The following LRRFIP2 variants were observed in gnomAD, a reference collection of about 807,000 sequenced individuals.
The protein encoded by LRRFIP2 is leucine-rich repeat flightless-interacting protein 2.
In LRRFIP2, 109 loss-of-function variants were observed where a neutral mutation model predicts 125.9. The ratio of observed to expected loss-of-function variants is 0.87; its 90% confidence interval spans 0.74 to 1.01. The LOEUF (loss-of-function observed/expected upper bound fraction) is 1.01, where lower values mean the gene tolerates loss of function less well. Ranked by LOEUF, LRRFIP2 falls within the 50% of genes least tolerant of loss-of-function variation. LRRFIP2 has a pLI of 0.00. For missense variants in LRRFIP2, 850 were observed against 862.3 expected (o/e 0.99, Z 0.18); for synonymous variants, 291 against 293.1 (o/e 0.99, Z 0.07).
chr3:37,119,187 T>C (rs2094919858), intron 6 of LRRFIP2, among the ~76,000 whole-genome samples: 1 of 152,204 alleles, frequency 6.6e-6, no homozygotes, highest in Admixed American at 6.5e-5. Flanking sequence ...TTTTTACATT[T>C]ATACATTGAC....
intron 24 of LRRFIP2, among the ~76,000 whole-genome samples, chr3:37,059,657 C>T (rs761807099): frequency 2.2e-4 from 33 of 152,006 alleles, no homozygotes; most frequent in African/African-American, 6.3e-4. Context: ...CATGGTGGCA[C>T]GCGCATGTAG....
chr3:37,142,148 CTTTTTT>C (rs1006144645), intron 2 of LRRFIP2, among the ~76,000 whole-genome samples: 1 of 129,754 alleles, frequency 7.7e-6, no homozygotes, highest in Admixed American at 7.8e-5. Flanking sequence ...ATTTTTCCTA[CTTTTTT>C]TTTTTTTTTT....
intron 18 of LRRFIP2, among the ~76,000 whole-genome samples, chr3:37,087,826 T>C (rs1004884003): frequency 6.6e-6 from 1 of 151,336 alleles, no homozygotes; most frequent in Non-Finnish European, 1.5e-5. Context: ...TGACCTCAGG[T>C]GATCCACCCA....
intron 1 of LRRFIP2, among the ~76,000 whole-genome samples, chr3:37,167,130 G>A (rs1022693413): frequency 3.3e-5 from 5 of 150,604 alleles, no homozygotes; most frequent in African/African-American, 7.3e-5. Context: ...CCAGGAGGTC[G>A]AGGCTGCAGT....
At chr3:37,141,913 T>C (rs1273017670) in intron 2 of LRRFIP2, among the ~76,000 whole-genome samples, 2 of 152,140 alleles carry the variant, frequency 1.3e-5, no homozygotes, top group Admixed American at 1.3e-4. Context: ...TCCAGCCAGT[T>C]TCCTCTGGGC....
chr3:37,139,218 A>C (rs549133908), intron 2 of LRRFIP2, among the ~76,000 whole-genome samples: 1 of 152,242 alleles, frequency 6.6e-6, no homozygotes, highest in Non-Finnish European at 1.5e-5. Flanking sequence ...AAACATAAGT[A>C]ACTGAAACCT....
intron 2 of LRRFIP2, among the ~76,000 whole-genome samples, chr3:37,139,804 G>C (rs554260196): frequency 6.6e-6 from 1 of 152,020 alleles, no homozygotes; most frequent in African/African-American, 2.4e-5. Context: ...TCTTTAAAAG[G>C]CAAGCAAAAA....
At chr3:37,061,346 CT>C (rs1308569603) in intron 24 of LRRFIP2, among the ~76,000 whole-genome samples, 1 of 151,980 alleles carries the variant, frequency 6.6e-6, no homozygotes, top group Non-Finnish European at 1.5e-5. Flanking sequence ...AACATACTTC[CT>C]CTACAGCTTG....
intron 2 of LRRFIP2, among the ~76,000 whole-genome samples, chr3:37,145,612 C>T (rs2149980036): frequency 6.6e-6 from 1 of 152,278 alleles, no homozygotes; most frequent in East Asian, 1.9e-4. Context: ...ATCTGAACAT[C>T]ATCTGTTTCC....
chr3:37,093,666 T>G (rs1050655928), intron 17 of LRRFIP2, among the ~76,000 whole-genome samples: 8 of 152,190 alleles, frequency 5.3e-5, no homozygotes, highest in Non-Finnish European at 1.2e-4. Context: ...TTTTTAAGAA[T>G]GCAAAGCAGA....
At chr3:37,162,417 T>C (rs1005489782) in intron 1 of LRRFIP2, among the ~76,000 whole-genome samples, 11 of 152,068 alleles carry the variant, frequency 7.2e-5, no homozygotes, top group African/African-American at 2.2e-4. Flanking sequence ...CTTTCAAAAG[T>C]AATTCTGGAA....
At chr3:37,109,792 G>T in intron 9 of LRRFIP2, 89 bp from the exon 10 acceptor site, 9 of 1,090,534 alleles carry the variant, frequency 8.3e-6, no homozygotes, top group Admixed American at 2.0e-5. Flanking sequence ...TTAAGTTTAT[G>T]ATTTTATACT....
At chr3:37,072,759 C>T (rs772418299) in intron 21 of LRRFIP2, 31 bp downstream of exon 21, 11 of 1,368,474 alleles carry the variant, frequency 8.0e-6, no homozygotes, top group Non-Finnish European at 1.0e-5. Context: ...CATCAATGAG[C>T]TTCTAACCAA....
intron 1 of LRRFIP2, among the ~76,000 whole-genome samples, chr3:37,165,971 T>C (rs2096480772): frequency 6.6e-6 from 1 of 152,186 alleles, no homozygotes; most frequent in Non-Finnish European, 1.5e-5. Context: ...ATATTGAATT[T>C]GGCAATGATT....
chr3:37,067,142 G>C (rs759960365), intron 21 of LRRFIP2: 6 of 152,184 alleles, frequency 3.9e-5, no homozygotes, highest in Non-Finnish European at 7.3e-5. Flanking sequence ...CAAGGGCAGA[G>C]GCATAAATCA....
intron 6 of LRRFIP2, 144 bp from the exon 7 acceptor site, chr3:37,115,239 A>G (rs1387054420): frequency 1.7e-6 from 1 of 577,650 alleles, no homozygotes; most frequent in Non-Finnish European, 3.1e-6. Context: ...AATCCAGTTG[A>G]ATTAAAAAAT....
chr3:37,090,265 G>A (rs1185876225), intron 18 of LRRFIP2, among the ~76,000 whole-genome samples: 2 of 151,898 alleles, frequency 1.3e-5, no homozygotes, highest in African/African-American at 2.4e-5. Flanking sequence ...GTCTCGCTCC[G>A]TCACCCAGGC....
intron 19 of LRRFIP2, among the ~76,000 whole-genome samples, chr3:37,078,692 A>G (rs2092355559): frequency 6.6e-6 from 1 of 152,202 alleles, no homozygotes; most frequent in Non-Finnish European, 1.5e-5. Context: ...CTTGGTGGCA[A>G]TGAGCATCTC....
At chr3:37,061,309 G>A (rs1247056300) in intron 24 of LRRFIP2, among the ~76,000 whole-genome samples, 1 of 152,124 alleles carries the variant, frequency 6.6e-6, no homozygotes, top group African/African-American at 2.4e-5. Flanking sequence ...TCAGGAAACT[G>A]AGCTCAGAAG....
Sources: gnomAD v4.1 joint callset for allele counts (sites outside exome capture counted in the v4.1 genomes callset) on GRCh38, gnomAD v4.1.1 for gene constraint, MANE v1.5 for transcripts, NCBI Gene and HGNC (gene_info 2026-07-23, HGNC 2026-07-21) for gene names.